Variants in ARHGAP12 observed in about 807,000 individuals in gnomAD.
ARHGAP12 encodes the protein rho GTPase-activating protein 12.
A neutral mutation model predicts 108.6 loss-of-function variants in ARHGAP12; 64 were observed. The observed-to-expected ratio is 0.59, with a 90% CI of 0.48 to 0.73. The LOEUF is 0.73. Ranked by LOEUF, ARHGAP12 falls within the 30% of genes least tolerant of loss-of-function variation. The pLI is 0.00. For synonymous variants in ARHGAP12, 312 were observed against 337.2 expected (o/e 0.93, Z 0.82); for missense variants, 940 against 1,005.9 (o/e 0.93, Z 0.89).
At chr10:31,810,781 CTTGCTGA>C (rs761352610) in intron 15 of ARHGAP12, 34 bp from the exon 16 acceptor site, 1 of 1,517,106 alleles carries the variant, frequency 6.6e-7, no homozygotes, top group South Asian at 1.1e-5. Flanking sequence ...AGTCAATCAC[CTTGCTGA>C]AATTCAGTTC....
At chr10:31,883,782 G>A (rs1838082733) in intron 3 of ARHGAP12, among the ~76,000 whole-genome samples, 1 of 150,712 alleles carries the variant, frequency 6.6e-6, no homozygotes, top group Non-Finnish European at 1.5e-5. Context: ...CGTGATCTCA[G>A]CTCACTGCAA....
rs1383309465 is a variant in ARHGAP12, at chr10:31,928,770, A to C, written c.-198T>G. On this transcript the variant is annotated 5_prime_UTR_variant, in exon 1 of 20. Transcript: ENST00000344936. ...GACGACGCGAGCCCGAAGAGCGTTC[A>C]CACGGCTACGGCCGCGGCCGGCCCG... The C allele has an allele frequency of 1.3e-5, 2 of 151,766 alleles. No homozygotes were observed. The highest frequency in any genetic ancestry group is 2.9e-5 in the Non-Finnish European group (2 of 67,958). 9.4% of individuals were successfully genotyped at this position (151,766 alleles called of 1,614,324 possible). A position where few individuals can be genotyped will look rare whatever the true frequency, so the allele number is the denominator to read the frequency against.
chr10:31,918,315 TCACACACA>T (rs58245483), intron 1 of ARHGAP12, among the ~76,000 whole-genome samples: 5,424 of 140,024 alleles, frequency 0.039, 252 homozygotes, highest in African/African-American at 0.11. Context: ...ATTAGGGAAA[TCACACACA>T]CACACACACA....
At chr10:31,883,313 T>C (rs1185655413) in intron 3 of ARHGAP12, among the ~76,000 whole-genome samples, 2 of 152,132 alleles carry the variant, frequency 1.3e-5, no homozygotes, top group African/African-American at 2.4e-5. Context: ...AAGAAATACC[T>C]ACTCTTTTAA....
At chr10:31,841,186 T>C (rs969983806) in intron 7 of ARHGAP12, among the ~76,000 whole-genome samples, 3 of 152,112 alleles carry the variant, frequency 2.0e-5, no homozygotes, top group African/African-American at 4.8e-5. Flanking sequence ...TATTTAGATA[T>C]ATGCATATAA....
chr10:31,808,037 C>T (rs186662286), intron 19 of ARHGAP12, among the ~76,000 whole-genome samples: 2 of 152,192 alleles, frequency 1.3e-5, no homozygotes, highest in East Asian at 3.9e-4. Context: ...CTGAAAGATA[C>T]AATTAAGCAT....
intron 6 of ARHGAP12, among the ~76,000 whole-genome samples, chr10:31,850,051 G>A (rs935519713): frequency 2.0e-5 from 3 of 152,156 alleles, no homozygotes; most frequent in African/African-American, 7.2e-5. Flanking sequence ...CCTGACCTGG[G>A]ACAAATCACT....
Position 31,805,932 on chromosome 10 carries a change from ATTT to A in ARHGAP12, c.*1723_*1725del, listed in dbSNP as rs1834810472. On this transcript the variant is annotated 3_prime_UTR_variant, in exon 20 of 20. Transcript: ENST00000344936. Reference sequence around the variant, plus strand: ...TATCAAGTAGTTTGGTTTGTTATCAATTTAACACGCTCACAACAACAAATACAG... The same window carrying A: ...TATCAAGTAGTTTGGTTTGTTATCAAAACACGCTCACAACAACAAATACAG... 1 of 152,160 alleles carries A rather than the reference ATTT, an allele frequency of 6.6e-6. No individual in the cohort carries two copies. The highest frequency in any genetic ancestry group is 1.5e-5 in the Non-Finnish European group (1 of 68,010). 9.4% of individuals were successfully genotyped at this position (152,160 alleles called of 1,614,324 possible).
At chr10:31,869,392 C>G (rs777172174) in intron 3 of ARHGAP12, among the ~76,000 whole-genome samples, 21 of 152,042 alleles carry the variant, frequency 1.4e-4, no homozygotes, top group Non-Finnish European at 2.9e-4. Context: ...CAAATATTAG[C>G]CAGGTGTGGT....
intron 6 of ARHGAP12, among the ~76,000 whole-genome samples, chr10:31,851,714 G>C (rs1462953416): frequency 6.6e-6 from 1 of 152,142 alleles, no homozygotes; most frequent in Admixed American, 6.5e-5. Context: ...TTCCGAACTT[G>C]TAGTCAATGT....
intron 8 of ARHGAP12, 70 bp downstream of exon 8, chr10:31,839,567 G>GT (rs1454260558): frequency 3.6e-6 from 5 of 1,377,090 alleles, no homozygotes; most frequent in Non-Finnish European, 5.0e-6. Flanking sequence ...TACATTAAGA[G>GT]TAAATTAACT....
In ARHGAP12 at chr10:31,814,177, C is replaced by T. The variant is rs566749559; in HGVS notation, c.1834+82G>A. On this transcript the variant is annotated intron_variant, in intron 14 of 19. Transcript: ENST00000344936. ...TTGTAACATTGGACATTCCATTCAG[C>T]TTTTATATATGTATTTAAAACCTTC... is the stretch of plus-strand genomic sequence containing the variant. 5.5e-4 allele frequency: 613 copies of T among 1,118,900 alleles called. 1 individual carries two copies. Among genetic ancestry groups the T allele is most frequent in the Non-Finnish European group, 8.0e-4 (591 of 742,590 alleles). 69.3% of individuals were successfully genotyped at this position (1,118,900 alleles called of 1,614,324 possible). A position where few individuals can be genotyped will look rare whatever the true frequency, so the allele number is the denominator to read the frequency against.
intron 7 of ARHGAP12, among the ~76,000 whole-genome samples, chr10:31,840,528 G>GA (rs1438433294): frequency 6.6e-6 from 1 of 151,846 alleles, no homozygotes; most frequent in Non-Finnish European, 1.5e-5. Flanking sequence ...AATAATTTCA[G>GA]AAAAAGAGAA....
intron 3 of ARHGAP12, among the ~76,000 whole-genome samples, chr10:31,879,329 T>C (rs1218866537): frequency 6.6e-6 from 1 of 152,196 alleles, no homozygotes; most frequent in African/African-American, 2.4e-5. Flanking sequence ...GGAGGATTGC[T>C]TGTGCCTGGA....
intron 1 of ARHGAP12, among the ~76,000 whole-genome samples, chr10:31,927,091 G>C (rs1034500346): frequency 2.6e-5 from 4 of 152,130 alleles, no homozygotes; most frequent in Non-Finnish European, 4.4e-5. Flanking sequence ...AACACTTTTA[G>C]AACAGTGGAG....
At chr10:31,820,843 TAA>T (rs1835390541) in intron 11 of ARHGAP12, among the ~76,000 whole-genome samples, 1 of 151,704 alleles carries the variant, frequency 6.6e-6, no homozygotes, top group African/African-American at 2.4e-5. Flanking sequence ...AAGTGGGATA[TAA>T]ACTGGAACTA....
At chr10:31,919,412 G>GTA (rs1839695903) in intron 1 of ARHGAP12, among the ~76,000 whole-genome samples, 1 of 152,196 alleles carries the variant, frequency 6.6e-6, no homozygotes, top group Non-Finnish European at 1.5e-5. Flanking sequence ...AGACACTGTA[G>GTA]TATACAATTT....
intron 3 of ARHGAP12, among the ~76,000 whole-genome samples, chr10:31,894,780 C>T (rs1016116492): frequency 3.2e-4 from 48 of 152,168 alleles, no homozygotes; most frequent in African/African-American, 9.6e-4. Flanking sequence ...AAAAAGAGCC[C>T]GCATCACCAA....
intron 3 of ARHGAP12, among the ~76,000 whole-genome samples, chr10:31,873,070 T>C (rs962098645): frequency 5.3e-5 from 8 of 152,134 alleles, no homozygotes; most frequent in Non-Finnish European, 7.4e-5. Context: ...CTAACAGAAA[T>C]ATAACATGAG....
Sources: allele counts gnomAD v4.1 joint callset (sites outside exome capture counted in the v4.1 genomes callset), GRCh38; gene constraint gnomAD v4.1.1; transcripts MANE v1.5; gene names NCBI Gene and HGNC (gene_info 2026-07-23, HGNC 2026-07-21).